Variants in COBL observed in about 807,000 individuals in gnomAD.
COBL encodes protein cordon-bleu.
In COBL, 51 loss-of-function variants were observed where a neutral mutation model predicts 98.8. The observed-to-expected ratio is 0.52, with a 90% CI of 0.41 to 0.65. The LOEUF (loss-of-function observed/expected upper bound fraction) is 0.65. COBL is among the 30% of genes least tolerant of loss of function. The pLI, the probability that COBL is intolerant of heterozygous loss-of-function variation, is 0.00. For missense variants in COBL, 1,617 were observed against 1,617.5 expected, an observed-to-expected ratio of 1.00 and a Z score of 0.01; for synonymous variants, 634 against 651.7, an observed-to-expected ratio of 0.97 and a Z score of 0.41.
intron 1 of COBL, among the ~76,000 whole-genome samples, chr7:51,288,263 GTC>G (rs1251412303): frequency 6.6e-6 from 1 of 151,258 alleles, no homozygotes; most frequent in African/African-American, 2.4e-5. Context: ...GTGAAACCTT[GTC>G]TCTACTAAAA....
At chr7:51,217,923 T>C (rs368169304) in intron 2 of COBL, among the ~76,000 whole-genome samples, 7 of 152,200 alleles carry the variant, frequency 4.6e-5, no homozygotes, top group Non-Finnish European at 8.8e-5. Context: ...CCGCAAGAGA[T>C]AGTGGCTTCC....
chr7:51,075,519 T>C (rs1188092146), intron 7 of COBL, among the ~76,000 whole-genome samples: 1 of 152,222 alleles, frequency 6.6e-6, no homozygotes, highest in African/African-American at 2.4e-5. Flanking sequence ...GTTTTTAGTA[T>C]TTGTTACCTC....
At chr7:51,180,062 C>T (rs1425568236) in intron 5 of COBL, among the ~76,000 whole-genome samples, 1 of 152,190 alleles carries the variant, frequency 6.6e-6, no homozygotes, top group East Asian at 1.9e-4. Context: ...CTCCAAAATT[C>T]AGAAACTATT....
intron 12 of COBL, among the ~76,000 whole-genome samples, chr7:51,022,053 T>C (rs2128861953): frequency 6.6e-6 from 1 of 152,116 alleles, no homozygotes; most frequent in South Asian, 2.1e-4. Flanking sequence ...TTCTTCAGAT[T>C]TGTTGTGGTT....
intron 1 of COBL, among the ~76,000 whole-genome samples, chr7:51,275,793 T>A (rs1431173149): frequency 6.6e-6 from 1 of 152,184 alleles, no homozygotes; most frequent in East Asian, 1.9e-4. Context: ...CCCCTCACAG[T>A]GGAAAATCAA....
chr7:51,293,436 G>C (rs1211213763), intron 1 of COBL, among the ~76,000 whole-genome samples: 2 of 152,142 alleles, frequency 1.3e-5, no homozygotes, highest in Non-Finnish European at 2.9e-5. Flanking sequence ...GAACAATAGA[G>C]ACACCATGAA....
chr7:51,028,882 G>C lies in COBL; in HGVS notation c.2214C>G (p.Asn738Lys). The C allele has an allele frequency of 6.2e-7, 1 of 1,614,226 alleles. No homozygotes were observed. The highest frequency in any genetic ancestry group is 8.5e-7 in the Non-Finnish European group (1 of 1,180,050). ...TGAIKIDELG[N>K]LVSPHATGIR... is the part of the protein sequence containing the mutation. ...TGCCGGTGGCGTGAGGACTCACCAA[G>C]TTCCCCAGCTCGTCAATCTTAATGG... is the stretch of plus-strand genomic sequence containing the variant. The change falls in exon 10 of 13, where the codon AAC becomes AAG. Residue 738 changes from asparagine to lysine, a missense_variant. Asn to Lys is a moderately conservative substitution (Grantham distance 94). Around this residue, in one of 3 missense-constraint regions of COBL, gnomAD observed 1,304 missense variants for 1,282.0 expected, o/e 1.02. Coordinates refer to ENST00000265136, the MANE Select transcript of COBL (RefSeq NM_015198.5).
At chr7:51,147,951 A>C (rs997082672) in intron 5 of COBL, among the ~76,000 whole-genome samples, 2 of 151,336 alleles carry the variant, frequency 1.3e-5, no homozygotes, top group Non-Finnish European at 2.9e-5. Context: ...TTTAGTATAG[A>C]CGGGGTTTTA....
At chr7:51,311,348 T>C (rs746435670) in intron 1 of COBL, among the ~76,000 whole-genome samples, 1 of 152,170 alleles carries the variant, frequency 6.6e-6, no homozygotes, top group Non-Finnish European at 1.5e-5. Context: ...CTGGAGGGGC[T>C]GGCTCAGAAG....
intron 7 of COBL, among the ~76,000 whole-genome samples, chr7:51,046,575 G>C (rs1789725059): frequency 6.6e-6 from 1 of 152,138 alleles, no homozygotes. Context: ...TTAACCCCAT[G>C]AACTGTAACA....
intron 2 of COBL, among the ~76,000 whole-genome samples, chr7:51,216,205 A>G (rs1197706403): frequency 6.6e-6 from 1 of 152,036 alleles, no homozygotes; most frequent in Non-Finnish European, 1.5e-5. Context: ...TTTTTGACGG[A>G]GTCTCAACTC....
At chr7:51,100,405 C>A in intron 6 of COBL, among the ~76,000 whole-genome samples, 1 of 152,208 alleles carries the variant, frequency 6.6e-6, no homozygotes, top group African/African-American at 2.4e-5. Flanking sequence ...ATAGCATTCA[C>A]ACAATCTACC....
intron 1 of COBL, among the ~76,000 whole-genome samples, chr7:51,298,869 T>C (rs559076947): frequency 6.6e-6 from 1 of 152,316 alleles, no homozygotes; most frequent in Admixed American, 6.5e-5. Flanking sequence ...ACATCGAAGC[T>C]CTGAGGTCAA....
intron 1 of COBL, among the ~76,000 whole-genome samples, chr7:51,237,341 T>C (rs1024932703): frequency 7.9e-5 from 12 of 152,102 alleles, no homozygotes; most frequent in African/African-American, 2.7e-4. Flanking sequence ...TGCATCCTCA[T>C]AATAATTTGT....
At chr7:51,271,536 A>G (rs1798760203) in intron 1 of COBL, among the ~76,000 whole-genome samples, 1 of 152,248 alleles carries the variant, frequency 6.6e-6, no homozygotes, top group African/African-American at 2.4e-5. Flanking sequence ...AAAGCGTAGC[A>G]TGAGTCTCAT....
chr7:51,131,478 C>A (rs1798727028), intron 6 of COBL, among the ~76,000 whole-genome samples: 2 of 151,960 alleles, frequency 1.3e-5, no homozygotes, highest in South Asian at 4.1e-4. Context: ...TGTAACATGC[C>A]AGGTATTATA....
chr7:51,283,752 T>C (rs1256832424), intron 1 of COBL, among the ~76,000 whole-genome samples: 1 of 152,152 alleles, frequency 6.6e-6, no homozygotes, highest in African/African-American at 2.4e-5. Flanking sequence ...CCCAGAGTGC[T>C]GGGATTATAG....
intron 1 of COBL, among the ~76,000 whole-genome samples, chr7:51,307,765 G>A (rs182022425): frequency 5.3e-5 from 8 of 152,268 alleles, no homozygotes; most frequent in Admixed American, 3.3e-4. Context: ...GGCTTGTGCC[G>A]TTGAAACCAA....
At chr7:51,103,158 C>T (rs1795959282) in intron 6 of COBL, among the ~76,000 whole-genome samples, 1 of 152,170 alleles carries the variant, frequency 6.6e-6, no homozygotes. Context: ...GCCCCTATCC[C>T]CCATTCAACA....
Sources: allele counts gnomAD v4.1 joint callset (sites outside exome capture counted in the v4.1 genomes callset), GRCh38; gene constraint gnomAD v4.1.1; regional missense constraint gnomAD v4.1.1; transcripts MANE v1.5; gene names NCBI Gene and HGNC (gene_info 2026-07-23, HGNC 2026-07-21).